Variants in PLCL1 observed in about 807,000 individuals in gnomAD.
The protein encoded by PLCL1 is phospholipase C like 1 (inactive).
In PLCL1, 41 loss-of-function variants were observed where a neutral mutation model predicts 84.4. The observed-to-expected ratio is 0.49, with a 90% CI of 0.38 to 0.63. The LOEUF (loss-of-function observed/expected upper bound fraction) is 0.63. PLCL1 is among the 30% of genes least tolerant of loss of function. The pLI is 0.00. For synonymous variants in PLCL1, 490 were observed against 488.3 expected, an observed-to-expected ratio of 1.00 and a Z score of -0.05; for missense variants, 1,206 against 1,367.8, an observed-to-expected ratio of 0.88 and a Z score of 1.87.
At chr2:197,880,869 A>G (rs987861680) in intron 1 of PLCL1, among the ~76,000 whole-genome samples, 2 of 152,218 alleles carry the variant, frequency 1.3e-5, no homozygotes, top group African/African-American at 4.8e-5. Context: ...TACCTTTATT[A>G]GTGCCTGACA....
At chr2:197,924,101 A>G (rs1281144873) in intron 1 of PLCL1, among the ~76,000 whole-genome samples, 1 of 138,902 alleles carries the variant, frequency 7.2e-6, no homozygotes, top group Non-Finnish European at 1.5e-5. Flanking sequence ...GCAGCAGTAC[A>G]GTCCAGCTTC....
At chr2:197,914,625 G>A (rs942712889) in intron 1 of PLCL1, among the ~76,000 whole-genome samples, 24 of 152,048 alleles carry the variant, frequency 1.6e-4, no homozygotes, top group African/African-American at 5.3e-4. Context: ...CATTGTGCCC[G>A]GCCATATTTT....
At chr2:197,989,173 T>TATTCATTC (rs34913887) in intron 1 of PLCL1, among the ~76,000 whole-genome samples, 2 of 152,216 alleles carry the variant, frequency 1.3e-5, no homozygotes, top group Non-Finnish European at 2.9e-5. Context: ...TTCTTATTAC[T>TATTCATTC]ATTCATTCAT....
intron 1 of PLCL1, among the ~76,000 whole-genome samples, chr2:197,916,165 C>T (rs927246249): frequency 6.6e-6 from 1 of 152,170 alleles, no homozygotes; most frequent in African/African-American, 2.4e-5. Context: ...GACTACTTAT[C>T]AGTAATTTGT....
At chr2:197,871,354 T>C (rs1004154833) in intron 1 of PLCL1, among the ~76,000 whole-genome samples, 1 of 151,918 alleles carries the variant, frequency 6.6e-6, no homozygotes, top group African/African-American at 2.4e-5. Context: ...GAAGGGGCAG[T>C]GTGGCCCTCC....
In PLCL1 at chr2:198,002,877, T is replaced by C. The variant is rs1231168845; in HGVS notation, c.241-80881T>C. 5.3e-5 allele frequency among the ~76,000 whole-genome samples: 8 copies of C among 152,336 alleles called. No individual in the cohort carries two copies. The East Asian group carries it at 1.2e-3, about 22-fold the overall frequency. On this transcript the variant is annotated intron_variant, in intron 1 of 5. Coordinates refer to ENST00000428675, the MANE Select transcript of PLCL1 (RefSeq NM_006226.4). Reference sequence around the variant, plus strand: ...GAGCATCTGTTTTGTTTGGTTGCTCTTCTACCATGCACTTTGTTAAACATT... The same window carrying C: ...GAGCATCTGTTTTGTTTGGTTGCTCCTCTACCATGCACTTTGTTAAACATT...
intron 1 of PLCL1, among the ~76,000 whole-genome samples, chr2:197,852,216 C>T (rs998963505): frequency 2.6e-5 from 4 of 151,370 alleles, no homozygotes; most frequent in African/African-American, 7.3e-5. Context: ...TCCTGTTGCA[C>T]AGCTGCAATG....
intron 5 of PLCL1, among the ~76,000 whole-genome samples, chr2:198,134,249 C>G (rs1195452857): frequency 6.6e-6 from 1 of 152,000 alleles, no homozygotes; most frequent in African/African-American, 2.4e-5. Context: ...TCTTGACTTT[C>G]CTTGCAGTAA....
chr2:198,085,382 G>T lies in PLCL1; in HGVS notation c.1865G>T (p.Arg622Leu), dbSNP rs368662764. 6.8e-6 allele frequency: 11 copies of T among 1,611,192 alleles called. No individual in the cohort carries two copies. Among genetic ancestry groups the T allele is most frequent in the Non-Finnish European group, 9.3e-6 (11 of 1,177,828 alleles). Residue 622 changes from arginine (R) to leucine (L), a missense_variant, in exon 2 of 6, where the codon CGC becomes CTC. Transcript: ENST00000428675. This position sits in a 1 kb window ranked among gnomAD's most constrained non-coding sequence, Gnocchi z 5.3. ...TCATTTAGTGAAACAGAGGCCAGCC[G>T]CATTGCAAATGAGTACCCAGAGGAT... ...MCSFSETEAS[R>L]IANEYPEDFV...
chr2:197,998,216 T>TGA (rs1553509370), intron 1 of PLCL1, among the ~76,000 whole-genome samples: 287 of 149,192 alleles, frequency 1.9e-3, no homozygotes, highest in African/African-American at 6.6e-3. Context: ...TGTGTGTGTG[T>TGA]GATATGAGAT....
At chr2:197,813,413 A>G (rs1021053143) in intron 1 of PLCL1, among the ~76,000 whole-genome samples, 1 of 152,214 alleles carries the variant, frequency 6.6e-6, no homozygotes, top group Non-Finnish European at 1.5e-5. Context: ...AGAGGCGTAT[A>G]TAAAAGATGC....
intron 5 of PLCL1, among the ~76,000 whole-genome samples, chr2:198,142,089 C>T (rs1232584878): frequency 1.3e-5 from 2 of 152,050 alleles, no homozygotes; most frequent in Non-Finnish European, 2.9e-5. Flanking sequence ...CCTGGGATGT[C>T]TTTTGTGAAT....
intron 1 of PLCL1, among the ~76,000 whole-genome samples, chr2:198,052,286 C>T (rs1420150958): frequency 4.0e-5 from 6 of 151,796 alleles, no homozygotes; most frequent in African/African-American, 1.2e-4. Flanking sequence ...TTGACCTCAT[C>T]GTGATCCTCC....
intron 1 of PLCL1, among the ~76,000 whole-genome samples, chr2:197,819,742 C>T (rs924207724): frequency 6.6e-6 from 1 of 151,988 alleles, no homozygotes; most frequent in South Asian, 2.1e-4. Flanking sequence ...TTCTTTCAAG[C>T]GTTCATGTTA....
intron 1 of PLCL1, among the ~76,000 whole-genome samples, chr2:197,894,127 G>A (rs1351809908): frequency 6.6e-6 from 1 of 151,914 alleles, no homozygotes; most frequent in Non-Finnish European, 1.5e-5. Flanking sequence ...ATATTGGCCA[G>A]AGAGTTGGTA....
intron 1 of PLCL1, among the ~76,000 whole-genome samples, chr2:198,049,540 A>G (rs1029835123): frequency 2.6e-5 from 4 of 152,160 alleles, no homozygotes; most frequent in African/African-American, 9.7e-5. Context: ...TGGCAGAGAG[A>G]GATTTTCAAT....
chr2:197,938,202 T>A lies in PLCL1; in HGVS notation c.240+132863T>A, dbSNP rs545610765. ...GCCATCTTTGACATGTTCTTTTACA[T>A]TCAGTGCATCATCAGTTTATGTTCA... On this transcript the variant is annotated intron_variant, in intron 1 of 5. Coordinates refer to ENST00000428675, the MANE Select transcript of PLCL1 (RefSeq NM_006226.4). Among the ~76,000 whole-genome samples, 42 of 152,330 alleles carry A rather than the reference T, an allele frequency of 2.8e-4. 1 individual carries two copies. In the South Asian group the frequency reaches 5.6e-3, roughly 20 times the overall value.
chr2:197,936,377 C>T (rs1574957741), intron 1 of PLCL1, among the ~76,000 whole-genome samples: 3 of 152,152 alleles, frequency 2.0e-5, no homozygotes, highest in East Asian at 3.9e-4. Flanking sequence ...ATATTTCCAC[C>T]AACAATGTAC....
chr2:198,024,788 G>C (rs949211394), intron 1 of PLCL1, among the ~76,000 whole-genome samples: 2 of 151,350 alleles, frequency 1.3e-5, no homozygotes, highest in African/African-American at 4.8e-5. Flanking sequence ...ATTACTACGA[G>C]TGGTACCTTT....
Sources: gnomAD v4.1 joint callset for allele counts (sites outside exome capture counted in the v4.1 genomes callset) on GRCh38, gnomAD v4.1.1 for gene constraint, Gnocchi (gnomAD v3.1) non-coding constraint, MANE v1.5 for transcripts, NCBI Gene and HGNC (gene_info 2026-07-23, HGNC 2026-07-21) for gene names.